Variants in DPY19L1 observed in about 807,000 individuals in gnomAD.
DPY19L1 encodes protein C-mannosyl-transferase DPY19L1.
Under a neutral mutation model 96.9 loss-of-function variants are expected in DPY19L1, and 35 were observed. That is an observed-to-expected ratio of 0.36 (90% CI 0.28 to 0.48). DPY19L1 has a LOEUF of 0.48. DPY19L1 is among the 20% of genes least tolerant of loss of function. The pLI is 0.99. For missense variants in DPY19L1, 521 were observed against 777.9 expected, an observed-to-expected ratio of 0.67 and a Z score of 3.93; for synonymous variants, 205 against 252.6, an observed-to-expected ratio of 0.81 and a Z score of 1.79.
At chr7:34,933,173 A>G (rs183864679) in intron 21 of DPY19L1, among the ~76,000 whole-genome samples, 25 of 152,208 alleles carry the variant, frequency 1.6e-4, no homozygotes, top group Non-Finnish European at 3.1e-4. Context: ...AGCTTTTGGG[A>G]AACAAGTGGT....
rs1450270106 is a variant in DPY19L1 at position 35,017,915 on chromosome 7, T to C, written c.378A>G (p.Thr126=). The C allele has an allele frequency of 1.7e-5, 28 of 1,605,882 alleles. No individual in the cohort carries two copies. Among genetic ancestry groups the C allele is most frequent in the South Asian group, 4.5e-5 (4 of 89,878 alleles). ...TGCGAAAAGCCATCTCCCTTTCCAATGTTGAGAGGTGAGAAAAATGACGGT... is the reference window on the plus strand; with the variant it reads ...TGCGAAAAGCCATCTCCCTTTCCAACGTTGAGAGGTGAGAAAAATGACGGT... ...ENDRHFSHLS[T]LEREMAFRTE... The change falls in exon 3 of 22, where the codon ACA becomes ACG. Residue 126 remains threonine, a synonymous_variant. Transcript: ENST00000638088.
chr7:34,964,722 T>TA (rs1346693394), intron 10 of DPY19L1, among the ~76,000 whole-genome samples: 1 of 152,172 alleles, frequency 6.6e-6, no homozygotes, highest in Non-Finnish European at 1.5e-5. Flanking sequence ...GAGGACATGT[T>TA]AAAAGGAAAG....
intron 1 of DPY19L1, among the ~76,000 whole-genome samples, chr7:35,023,634 G>T (rs1786047096): frequency 1.3e-5 from 2 of 152,050 alleles, no homozygotes; most frequent in South Asian, 4.1e-4. Flanking sequence ...ACAAATGAAA[G>T]AATGGGCTTC....
chr7:34,985,861 G>A (rs1785036022), intron 7 of DPY19L1, among the ~76,000 whole-genome samples: 1 of 151,956 alleles, frequency 6.6e-6, no homozygotes, highest in Admixed American at 6.6e-5. Context: ...GCACTCCCAT[G>A]TTCATTTCAG....
At chr7:34,957,933 G>T in intron 11 of DPY19L1, 51 bp downstream of exon 11, 1 of 1,246,796 alleles carries the variant, frequency 8.0e-7, no homozygotes, top group Non-Finnish European at 1.1e-6. Flanking sequence ...AGAAAAAATT[G>T]TTAAACCATT....
chr7:34,968,237 A>G (rs1390848706), intron 9 of DPY19L1, among the ~76,000 whole-genome samples: 3 of 152,094 alleles, frequency 2.0e-5, no homozygotes, highest in African/African-American at 7.2e-5. Context: ...TAATGATAAA[A>G]CCAACTAACC....
At chr7:34,964,924 T>C (rs2128666532) in intron 10 of DPY19L1, among the ~76,000 whole-genome samples, 1 of 152,296 alleles carries the variant, frequency 6.6e-6, no homozygotes, top group East Asian at 1.9e-4. Flanking sequence ...AACCAAAAGA[T>C]GCTCAGCTTC....
At chr7:35,032,339 A>G (rs1169588683) in intron 1 of DPY19L1, among the ~76,000 whole-genome samples, 2 of 152,114 alleles carry the variant, frequency 1.3e-5, no homozygotes, top group African/African-American at 2.4e-5. Flanking sequence ...AAGTTACTTA[A>G]TATCTTTGTG....
At chr7:34,961,262 G>T (rs1192733680) in intron 10 of DPY19L1, among the ~76,000 whole-genome samples, 8 of 152,182 alleles carry the variant, frequency 5.3e-5, no homozygotes, top group Non-Finnish European at 1.0e-4. Flanking sequence ...TAAAGTTACT[G>T]TAATCAAGAC....
chr7:34,959,931 A>ATATT (rs1784467172), intron 10 of DPY19L1, among the ~76,000 whole-genome samples: 2 of 81,394 alleles, frequency 2.5e-5, no homozygotes, highest in African/African-American at 3.8e-5. Context: ...ATATTTATAT[A>ATATT]TATATATATA....
At chr7:34,943,564 G>A (rs962881220) in intron 16 of DPY19L1, among the ~76,000 whole-genome samples, 1 of 152,176 alleles carries the variant, frequency 6.6e-6, no homozygotes, top group Admixed American at 6.5e-5. Context: ...GTCTTTGATA[G>A]TTAAAATTTA....
chr7:34,990,869 C>A (rs1040074369), intron 6 of DPY19L1, among the ~76,000 whole-genome samples: 1 of 152,090 alleles, frequency 6.6e-6, no homozygotes. Flanking sequence ...TATAAGTATA[C>A]CACAGAGAGG....
At chr7:35,024,692 C>A (rs748670998) in intron 1 of DPY19L1, among the ~76,000 whole-genome samples, 2 of 152,204 alleles carry the variant, frequency 1.3e-5, no homozygotes, top group Non-Finnish European at 2.9e-5. Context: ...TGCCTTTCTT[C>A]CTGCCTTAAA....
intron 6 of DPY19L1, among the ~76,000 whole-genome samples, chr7:35,008,552 G>A (rs1363158396): frequency 6.6e-6 from 1 of 152,172 alleles, no homozygotes; most frequent in Admixed American, 6.5e-5. Flanking sequence ...AAGTAGCCAG[G>A]CATGGTGGCA....
chr7:34,955,273 A>C (rs763833520), intron 12 of DPY19L1, 35 bp downstream of exon 12: 1 of 1,555,866 alleles, frequency 6.4e-7, no homozygotes, highest in Non-Finnish European at 8.8e-7. Context: ...TTTAGAGAAG[A>C]AAAAACATAA....
At chr7:34,956,507 GTAT>G (rs1784382537) in intron 11 of DPY19L1, among the ~76,000 whole-genome samples, 1 of 149,808 alleles carries the variant, frequency 6.7e-6, no homozygotes. Context: ...TGAGAAATGG[GTAT>G]TTTTTTTTTT....
intron 1 of DPY19L1, among the ~76,000 whole-genome samples, chr7:35,024,750 T>C (rs1211830393): frequency 6.6e-6 from 1 of 152,248 alleles, no homozygotes; most frequent in Non-Finnish European, 1.5e-5. Flanking sequence ...ATGTGGCATT[T>C]TGTATTGCTT....
At chr7:35,011,948 G>A (rs1318040876) in intron 4 of DPY19L1, among the ~76,000 whole-genome samples, 2 of 152,206 alleles carry the variant, frequency 1.3e-5, no homozygotes, top group African/African-American at 4.8e-5. Flanking sequence ...GTGTGATACT[G>A]GCACAAGAAT....
At chr7:34,981,674 G>A (rs1162700847) in intron 7 of DPY19L1, among the ~76,000 whole-genome samples, 1 of 152,186 alleles carries the variant, frequency 6.6e-6, no homozygotes, top group Non-Finnish European at 1.5e-5. Flanking sequence ...AATCTGGCTG[G>A]GCGTGGTGGC....
Sources: gnomAD v4.1 joint callset for allele counts (sites outside exome capture counted in the v4.1 genomes callset) on GRCh38, gnomAD v4.1.1 for gene constraint, MANE v1.5 for transcripts, NCBI Gene and HGNC (gene_info 2026-07-23, HGNC 2026-07-21) for gene names.